RABGAP1: variants seen among roughly 807,000 people sequenced by gnomAD.
The protein encoded by RABGAP1 is RAB GTPase activating protein 1.
A neutral mutation model predicts 137.6 loss-of-function variants in RABGAP1; 23 were observed. The ratio of observed to expected loss-of-function variants is 0.17; its 90% CI spans 0.12 to 0.24. The LOEUF (loss-of-function observed/expected upper bound fraction) is 0.24, where lower values mean the gene tolerates loss of function less well. RABGAP1 is among the 10% of genes least tolerant of loss of function. The probability of loss-of-function intolerance (pLI) is 1.00; values close to 1 mark genes in which losing one functional copy is unlikely to be tolerated. For missense variants in RABGAP1, 906 were observed against 1,275.8 expected, an observed-to-expected ratio of 0.71 and a Z score of 4.42; for synonymous variants, 451 against 450.7, an observed-to-expected ratio of 1.00 and a Z score of -0.01.
rs1043547721 is a variant in RABGAP1, at chr9:123,103,313, G to A, written c.*100G>A. On this transcript the variant is annotated 3_prime_UTR_variant, in exon 26 of 26. Transcript: ENST00000373647. The stretch of plus-strand genomic sequence containing the variant: ...CTGTGACTTGTCCCAGGACCAGAAT[G>A]TACCTAAGTCAGATCCATAGACGCA... 7.8e-6 allele frequency: 12 copies of A among 1,536,458 alleles called. No homozygotes were observed. The highest frequency in any genetic ancestry group is 2.1e-4 in the Middle Eastern group (1 of 4,678).
At chr9:122,953,419 T>C (rs891410439) in intron 1 of RABGAP1, among the ~76,000 whole-genome samples, 5 of 152,058 alleles carry the variant, frequency 3.3e-5, no homozygotes, top group African/African-American at 1.2e-4. Context: ...TTTTTTTTTT[T>C]TGAGACAGAG....
intron 14 of RABGAP1, among the ~76,000 whole-genome samples, chr9:123,067,772 G>T (rs1178296391): frequency 6.6e-6 from 1 of 152,080 alleles, no homozygotes; most frequent in Non-Finnish European, 1.5e-5. Context: ...CCCAGATTTC[G>T]TTACAGCCAA....
chr9:123,090,305 A>T lies in RABGAP1; in HGVS notation c.2548A>T (p.Met850Leu), dbSNP rs776337708. 3 of 1,613,284 alleles carry T rather than the reference A, an allele frequency of 1.9e-6. No homozygotes were observed. The highest frequency in any genetic ancestry group is 1.1e-5 in the South Asian group (1 of 90,634). ...RENRRLQEAN[M>L]RLEQENDDLA... ...GAATAGGCGTCTACAAGAAGCTAAC[A>T]TGAGGTTGGAACAGGAAAACGATGA... The change falls in exon 21 of 26, where the codon ATG (methionine) becomes TTG (leucine). Residue 850 changes from methionine to leucine, a missense_variant. Physicochemically the swap from Met to Leu is conservative, Grantham distance 15. Transcript: ENST00000373647.
chr9:123,057,645 CAG>C (rs1005317776), intron 13 of RABGAP1, among the ~76,000 whole-genome samples: 1 of 152,266 alleles, frequency 6.6e-6, no homozygotes, highest in Admixed American at 6.5e-5. Flanking sequence ...ACTTCCCAGA[CAG>C]GGTGGTGGCC....
intron 1 of RABGAP1, among the ~76,000 whole-genome samples, chr9:122,949,821 G>A (rs1202838883): frequency 6.6e-6 from 1 of 151,854 alleles, no homozygotes; most frequent in Non-Finnish European, 1.5e-5. Context: ...TAACACTGCA[G>A]AAGGGAAAGG....
chr9:123,023,339 C>G (rs759383635), intron 13 of RABGAP1, among the ~76,000 whole-genome samples: 6 of 152,154 alleles, frequency 3.9e-5, no homozygotes, highest in Non-Finnish European at 5.9e-5. Flanking sequence ...CGCCACCAAG[C>G]CTGCCTAATT....
chr9:122,994,777 A>G (rs1335115806), intron 6 of RABGAP1, among the ~76,000 whole-genome samples: 4 of 152,172 alleles, frequency 2.6e-5, no homozygotes, highest in Non-Finnish European at 5.9e-5. Flanking sequence ...GAGAACAGTG[A>G]GCTAGAGAAA....
chr9:122,994,061 T>C (rs1359367644), intron 6 of RABGAP1, among the ~76,000 whole-genome samples: 1 of 152,248 alleles, frequency 6.6e-6, no homozygotes, highest in East Asian at 1.9e-4. Flanking sequence ...GGGTAGTTTA[T>C]ACTGTGCTTA....
chr9:123,065,494 T>C (rs1456770861), intron 14 of RABGAP1, 33 bp downstream of exon 14: 2 of 1,397,494 alleles, frequency 1.4e-6, no homozygotes, highest in South Asian at 2.3e-5. Flanking sequence ...AGGACTCAAT[T>C]CTGAGTGGTG....
At chr9:122,946,691 T>A (rs1180401818) in intron 1 of RABGAP1, among the ~76,000 whole-genome samples, 2 of 152,184 alleles carry the variant, frequency 1.3e-5, no homozygotes, top group Non-Finnish European at 1.5e-5. Context: ...AGATATTGTG[T>A]TGAAATGGCA....
At chr9:122,932,128 C>T in the RABGAP1 span, among the ~76,000 whole-genome samples, 1 of 152,196 alleles carries the variant, frequency 6.6e-6, no homozygotes, top group African/African-American at 2.4e-5. Flanking sequence ...TTCATCTCAT[C>T]TCCTATCCAG....
intron 11 of RABGAP1, among the ~76,000 whole-genome samples, chr9:123,014,822 G>T (rs926731975): frequency 2.6e-5 from 4 of 152,134 alleles, no homozygotes; most frequent in Non-Finnish European, 1.5e-5. Flanking sequence ...AATCATGGCA[G>T]AAGGGGAAGC....
At chr9:123,044,689 G>A (rs969368852) in intron 13 of RABGAP1, among the ~76,000 whole-genome samples, 2 of 151,974 alleles carry the variant, frequency 1.3e-5, no homozygotes, top group Admixed American at 1.3e-4. Context: ...GCTGGTACAT[G>A]AGTATAATAC....
At chr9:122,945,403 C>G (rs1056648288) in intron 1 of RABGAP1, 18 of 152,044 alleles carry the variant, frequency 1.2e-4, no homozygotes, top group Admixed American at 2.0e-4. Context: ...AGTTTCCCTC[C>G]TCTTTCCAAA....
At chr9:122,944,492 C>A (rs1833821567) in intron 1 of RABGAP1, among the ~76,000 whole-genome samples, 1 of 151,866 alleles carries the variant, frequency 6.6e-6, no homozygotes. Context: ...GGCCTCCCAA[C>A]GTGACAACAC....
intron 2 of RABGAP1, among the ~76,000 whole-genome samples, chr9:122,976,192 A>C (rs1005256218): frequency 6.7e-6 from 1 of 149,314 alleles, no homozygotes; most frequent in Non-Finnish European, 1.5e-5. Flanking sequence ...GCTAAATGCT[A>C]AATTGGCCTT....
chr9:122,945,003 G>A (rs947108391), intron 1 of RABGAP1, among the ~76,000 whole-genome samples: 15 of 151,822 alleles, frequency 9.9e-5, no homozygotes, highest in African/African-American at 3.6e-4. Context: ...GCAGAATTTG[G>A]CATGACATTT....
At chr9:123,005,056 C>CAAAAAA (rs11421673) in intron 10 of RABGAP1, among the ~76,000 whole-genome samples, 1 of 93,856 alleles carries the variant, frequency 1.1e-5, no homozygotes, top group Non-Finnish European at 2.3e-5. Flanking sequence ...AACTCCATCT[C>CAAAAAA]AAAAAAAAAA....
chr9:123,100,176 G>A (rs2035299019), intron 24 of RABGAP1, among the ~76,000 whole-genome samples: 1 of 152,018 alleles, frequency 6.6e-6, no homozygotes, highest in East Asian at 1.9e-4. Context: ...ATAACATGGT[G>A]CTTTCTTTCT....
Sources: allele counts gnomAD v4.1 joint callset (sites outside exome capture counted in the v4.1 genomes callset), GRCh38; gene constraint gnomAD v4.1.1; transcripts MANE v1.5; gene names NCBI Gene and HGNC (gene_info 2026-07-23, HGNC 2026-07-21).